TRHDE: variants seen among roughly 807,000 people sequenced by gnomAD.
The protein encoded by TRHDE is thyrotropin releasing hormone degrading enzyme, also known as thyrotropin-releasing hormone-degrading ectoenzyme.
Under a neutral mutation model 125.7 loss-of-function variants are expected in TRHDE, and 72 were observed. The ratio of observed to expected loss-of-function variants is 0.57; its 90% CI spans 0.47 to 0.70. TRHDE has a LOEUF of 0.70. Ranked by LOEUF, TRHDE falls within the 30% of genes least tolerant of loss-of-function variation. The pLI is 0.00. For missense variants in TRHDE, 1,110 were observed against 1,327.1 expected (o/e 0.84, Z 2.54); for synonymous variants, 509 against 509.1 (o/e 1.00, Z 0.00).
intron 2 of TRHDE, among the ~76,000 whole-genome samples, chr12:72,304,561 A>C: frequency 6.6e-6 from 1 of 152,180 alleles, no homozygotes; most frequent in Non-Finnish European, 1.5e-5. Context: ...TCATGAATCA[A>C]GTAGAAAAAA....
intron 7 of TRHDE, among the ~76,000 whole-genome samples, chr12:72,549,644 A>T (rs1419675553): frequency 6.6e-6 from 1 of 151,820 alleles, no homozygotes; most frequent in African/African-American, 2.4e-5. Context: ...GATTTGACTT[A>T]ATTGGCATTT....
intron 3 of TRHDE, among the ~76,000 whole-genome samples, chr12:72,405,591 A>G (rs963700426): frequency 5.3e-5 from 8 of 152,188 alleles, no homozygotes; most frequent in Non-Finnish European, 7.4e-5. Flanking sequence ...CTTCTCTCAC[A>G]TCTGTTCTCC....
chr12:72,460,678 G>A (rs982700745), intron 3 of TRHDE, among the ~76,000 whole-genome samples: 1 of 152,100 alleles, frequency 6.6e-6, no homozygotes, highest in Non-Finnish European at 1.5e-5. Flanking sequence ...ACAAGTATTA[G>A]TCAACTTGGG....
chr12:72,530,416 C>CTT (rs71438816), intron 6 of TRHDE, among the ~76,000 whole-genome samples: 7,645 of 68,050 alleles, frequency 0.11, 708 homozygotes, highest in African/African-American at 0.24. Context: ...TTCCTAGAAG[C>CTT]TTTTTTTTTT....
rs189115710 is a variant in TRHDE at position 72,420,878 on chromosome 12, G to A, written c.1315+42757G>A. On this transcript the variant is annotated intron_variant, in intron 3 of 18. Coordinates refer to ENST00000261180, the MANE Select transcript of TRHDE (RefSeq NM_013381.3). ...GGGCATGGCTCTGAACCTGTAGGTC[G>A]TAGACTTTTCATACACATAGCATGA... is the stretch of plus-strand genomic sequence containing the variant. Among the ~76,000 whole-genome samples the A allele has an allele frequency of 1.9e-4, 29 of 152,220 alleles. No homozygotes were observed. In the East Asian group the frequency reaches 4.4e-3, roughly 23 times the overall value.
At position 72,332,622 on chromosome 12, in the gene TRHDE, CTTCT is replaced by C. The variant is rs551518219; in HGVS notation, c.1189-45370_1189-45367del. Among the ~76,000 whole-genome samples the C allele has an allele frequency of 2.9e-3, 440 of 152,326 alleles. 1 individual carries two copies. The highest frequency in any genetic ancestry group is 4.9e-3 in the Non-Finnish European group (336 of 68,026). On this transcript the variant is annotated intron_variant, in intron 2 of 18. Coordinates refer to ENST00000261180, the MANE Select transcript of TRHDE (RefSeq NM_013381.3). ...GGGAACTAACATCCAAACCATATCA[CTTCT>C]TTAATAATGTCTCTTCCACAACTAA...
chr12:72,509,303 GAC>G (rs1051607980), intron 6 of TRHDE, among the ~76,000 whole-genome samples: 2 of 148,866 alleles, frequency 1.3e-5, no homozygotes, highest in East Asian at 2.0e-4. Flanking sequence ...GATAATAAAA[GAC>G]ACAGTCTTGA....
intron 2 of TRHDE, among the ~76,000 whole-genome samples, chr12:72,250,372 C>A (rs1310251042): frequency 6.6e-6 from 1 of 152,108 alleles, no homozygotes; most frequent in Non-Finnish European, 1.5e-5. Context: ...TCAGTTCTGG[C>A]TGAACACTAC....
At chr12:72,642,040 G>A (rs988277611) in intron 15 of TRHDE, among the ~76,000 whole-genome samples, 3 of 152,136 alleles carry the variant, frequency 2.0e-5, no homozygotes, top group Non-Finnish European at 4.4e-5. Flanking sequence ...TTTCTGCCAC[G>A]TGAGAATGCA....
intron 1 of TRHDE, among the ~76,000 whole-genome samples, chr12:72,280,696 G>A (rs1879665647): frequency 1.3e-5 from 2 of 152,188 alleles, no homozygotes; most frequent in Non-Finnish European, 2.9e-5. Context: ...TCTGATTACA[G>A]CACTGCTGTC....
intron 2 of TRHDE, among the ~76,000 whole-genome samples, chr12:72,364,350 G>A (rs899430873): frequency 2.0e-5 from 3 of 151,864 alleles, no homozygotes; most frequent in Admixed American, 6.6e-5. Context: ...ATTTTTCCTC[G>A]AATAATACCT....
At chr12:72,182,725 T>C (rs1374563522) in intron 2 of TRHDE, among the ~76,000 whole-genome samples, 2 of 152,204 alleles carry the variant, frequency 1.3e-5, no homozygotes, top group East Asian at 3.9e-4. Flanking sequence ...GCCTGGATTC[T>C]ATATGTCCAA....
chr12:72,247,035 A>G (rs1235410456), intron 2 of TRHDE, among the ~76,000 whole-genome samples: 2 of 152,210 alleles, frequency 1.3e-5, no homozygotes, highest in Non-Finnish European at 2.9e-5. Context: ...GTTATTCTTC[A>G]GTATCCATGG....
At chr12:72,380,708 T>G (rs997380769) in intron 3 of TRHDE, among the ~76,000 whole-genome samples, 1 of 129,254 alleles carries the variant, frequency 7.7e-6, no homozygotes, top group Non-Finnish European at 1.6e-5. Context: ...GCTTCCTTCC[T>G]TCCTTCCTTC....
chr12:72,519,970 G>T (rs1879098598), intron 6 of TRHDE, among the ~76,000 whole-genome samples: 2 of 152,212 alleles, frequency 1.3e-5, no homozygotes, highest in South Asian at 2.1e-4. Context: ...AGGGGTCAGG[G>T]ACCCACTTCA....
intron 1 of TRHDE, among the ~76,000 whole-genome samples, chr12:72,286,114 A>G (rs1192432409): frequency 1.3e-5 from 2 of 152,198 alleles, no homozygotes; most frequent in Admixed American, 6.5e-5. Flanking sequence ...AAAGTTTAAT[A>G]ATTGCCCAAG....
chr12:72,237,819 A>G (rs989212142), intron 2 of TRHDE, among the ~76,000 whole-genome samples: 10 of 152,112 alleles, frequency 6.6e-5, no homozygotes, highest in African/African-American at 2.4e-4. Context: ...AGACTAATTC[A>G]GGGACTCTTA....
intron 2 of TRHDE, among the ~76,000 whole-genome samples, chr12:72,191,698 TG>T (rs1877344468): frequency 6.6e-6 from 1 of 152,122 alleles, no homozygotes; most frequent in African/African-American, 2.4e-5. Context: ...ATTAGTCCTT[TG>T]AGAGTTTAAG....
chr12:72,332,797 A>G (rs201868249), intron 2 of TRHDE, among the ~76,000 whole-genome samples: 1 of 152,230 alleles, frequency 6.6e-6, no homozygotes, highest in African/African-American at 2.4e-5. Context: ...GATCAGCAGC[A>G]TCAGTATTGG....
Sources: gnomAD v4.1 joint callset for allele counts (sites outside exome capture counted in the v4.1 genomes callset) on GRCh38, gnomAD v4.1.1 for gene constraint, MANE v1.5 for transcripts, NCBI Gene and HGNC (gene_info 2026-07-23, HGNC 2026-07-21) for gene names.